The following DGLUCY variants were observed in gnomAD, a reference collection of about 807,000 sequenced individuals.
DGLUCY encodes D-glutamate cyclase, also known as D-glutamate cyclase, mitochondrial.
Under a neutral mutation model 58.5 loss-of-function variants are expected in DGLUCY, and 58 were observed. That is an observed-to-expected ratio of 0.99 (90% confidence interval 0.80 to 1.23). The LOEUF (loss-of-function observed/expected upper bound fraction) is 1.23. DGLUCY is among the 50% of genes most tolerant of loss of function. The pLI is 0.00. For missense variants in DGLUCY, 779 were observed against 784.7 expected (o/e 0.99, Z 0.09); for synonymous variants, 325 against 314.1 (o/e 1.03, Z -0.37).
chr14:91,204,627 A>AC, intron 11 of DGLUCY, 79 bp from the exon 12 acceptor site: 1 of 1,559,174 alleles, frequency 6.4e-7, no homozygotes, highest in Non-Finnish European at 8.7e-7. Context: ...GGCAACAAGC[A>AC]CATGTAGGGC....
At chr14:91,215,997 C>T (rs1886464853) in intron 13 of DGLUCY, 1 of 328,134 alleles carries the variant, frequency 3.0e-6, no homozygotes, top group African/African-American at 2.2e-5. Context: ...ATCAGCCATA[C>T]TAAGGAAAGT....
At chr14:91,212,860 G>A (rs1410402157) in intron 12 of DGLUCY, among the ~76,000 whole-genome samples, 1 of 152,126 alleles carries the variant, frequency 6.6e-6, no homozygotes, top group Non-Finnish European at 1.5e-5. Flanking sequence ...AATTAGCTCG[G>A]CATGGTGGCA....
intron 1 of DGLUCY, among the ~76,000 whole-genome samples, chr14:91,153,054 C>T (rs533042787): frequency 1.6e-4 from 24 of 152,256 alleles, no homozygotes; most frequent in African/African-American, 4.3e-4. Flanking sequence ...CTCCCCGGAC[C>T]GTAAATTCCT....
chr14:91,104,352 G>T (rs1251982289), upstream of DGLUCY, among the ~76,000 whole-genome samples: 1 of 151,890 alleles, frequency 6.6e-6, no homozygotes, highest in Non-Finnish European at 1.5e-5. Flanking sequence ...GTGAGCCACC[G>T]CGCCCGGCCG....
At chr14:91,098,386 G>A (rs141752214) in intron 1 of DGLUCY, among the ~76,000 whole-genome samples, 1 of 152,288 alleles carries the variant, frequency 6.6e-6, no homozygotes, top group East Asian at 1.9e-4. Context: ...TGAGCTTGAG[G>A]TCAAGGCTGT....
chr14:91,094,222 G>A (rs192320192), intron 1 of DGLUCY, among the ~76,000 whole-genome samples: 1 of 151,644 alleles, frequency 6.6e-6, no homozygotes, highest in Non-Finnish European at 1.5e-5. Context: ...GAATCATGAG[G>A]TCAGGAGTTC....
At position 91,224,967 on chromosome 14, in the gene DGLUCY, G is replaced by A. The variant is rs1782561594; in HGVS notation, c.*134G>A. 2 of 1,057,796 alleles carry A rather than the reference G, an allele frequency of 1.9e-6. No homozygotes were observed. Among genetic ancestry groups the A allele is most frequent in the Non-Finnish European group, 2.6e-6 (2 of 774,554 alleles). 65.5% of individuals were successfully genotyped at this position (1,057,796 alleles called of 1,614,324 possible). On this transcript the variant is annotated 3_prime_UTR_variant, in exon 14 of 14. Coordinates refer to ENST00000256324, the MANE Select transcript of DGLUCY (RefSeq NM_001102368.3). ...GAGCAACGAACACTCGCCTGGCCTG[G>A]GAAACTGCATGCCCACTTTCTGGGA...
chr14:91,146,178 C>T (rs548752239), intron 1 of DGLUCY, among the ~76,000 whole-genome samples: 16 of 152,272 alleles, frequency 1.1e-4, no homozygotes, highest in African/African-American at 3.6e-4. Context: ...GGCCCATGCC[C>T]CATTTTAAAA....
At chr14:91,089,423 A>G (rs1281864812) in intron 1 of DGLUCY, among the ~76,000 whole-genome samples, 1 of 152,228 alleles carries the variant, frequency 6.6e-6, no homozygotes, top group Non-Finnish European at 1.5e-5. Context: ...TTCTGGCAAT[A>G]AAACCCTCTC....
At position 91,064,614 on chromosome 14, in the gene DGLUCY, C is replaced by T. The variant is rs189021490; in HGVS notation, c.-82+3910C>T. On this transcript the variant is annotated intron_variant, in intron 1 of 4. Transcript: ENST00000521334. The stretch of plus-strand genomic sequence containing the variant: ...CTCCAGCCTGGGTGACACAGTCAGA[C>T]TCTGTCTCAAAAAAAAAAAAAAAAA... 6.5e-4 allele frequency among the ~76,000 whole-genome samples: 86 copies of T among 132,826 alleles called. No homozygotes were observed. In the East Asian group the frequency reaches 0.016, roughly 24 times the overall value. The allele number at this position is 132,826 out of a possible 152,430, so 87.1% of individuals were successfully genotyped here.
intron 1 of DGLUCY, among the ~76,000 whole-genome samples, chr14:91,146,504 G>A (rs566388484): frequency 2.4e-4 from 37 of 152,182 alleles, no homozygotes; most frequent in Middle Eastern, 3.4e-3. Context: ...CCCCTTTCCC[G>A]AAAACATCTC....
chr14:91,077,415 A>G (rs1459429556), intron 1 of DGLUCY, among the ~76,000 whole-genome samples: 9 of 135,916 alleles, frequency 6.6e-5, no homozygotes, highest in South Asian at 2.4e-4. Context: ...AAAGAAAGAA[A>G]GAAGGAGGGA....
intron 12 of DGLUCY, 144 bp downstream of exon 12, chr14:91,204,969 T>G (rs1262335623): frequency 3.7e-6 from 4 of 1,078,014 alleles, no homozygotes; most frequent in African/African-American, 1.6e-5. Flanking sequence ...GCTCAGCCTA[T>G]GACCTTTCAT....
At chr14:91,222,670 ATTAC>A (rs1052730332) in intron 13 of DGLUCY, among the ~76,000 whole-genome samples, 1 of 152,314 alleles carries the variant, frequency 6.6e-6, no homozygotes, top group African/African-American at 2.4e-5. Context: ...TGCTTTCTCT[ATTAC>A]TTAGAAAAAG....
intron 12 of DGLUCY, among the ~76,000 whole-genome samples, chr14:91,210,373 C>T (rs1885480856): frequency 6.6e-6 from 1 of 151,804 alleles, no homozygotes; most frequent in African/African-American, 2.4e-5. Context: ...TCTACAAAAA[C>T]AGCAAAAAAT....
At chr14:91,091,999 C>T (rs1044606571) in intron 1 of DGLUCY, among the ~76,000 whole-genome samples, 2 of 152,168 alleles carry the variant, frequency 1.3e-5, no homozygotes, top group African/African-American at 4.8e-5. Context: ...AAATCAAACC[C>T]TTGACTCCAG....
At chr14:91,207,142 G>A (rs564381232) in intron 12 of DGLUCY, among the ~76,000 whole-genome samples, 1 of 110,472 alleles carries the variant, frequency 9.1e-6, no homozygotes. Context: ...CTGGATGACA[G>A]AGCAAGACAC....
upstream of DGLUCY, among the ~76,000 whole-genome samples, chr14:91,111,862 CTGTG>C (rs1226238776): frequency 6.6e-6 from 1 of 152,176 alleles, no homozygotes; most frequent in African/African-American, 2.4e-5. Context: ...TTGTATTCTA[CTGTG>C]TGTATGTATC....
intron 7 of DGLUCY, among the ~76,000 whole-genome samples, chr14:91,179,489 C>A (rs186482379): frequency 0.011 from 1,605 of 151,786 alleles, 16 homozygotes; most frequent in Non-Finnish European, 0.017. Context: ...CGGTGGCTCA[C>A]GCCTGTAATC....
Sources: allele counts gnomAD v4.1 joint callset (sites outside exome capture counted in the v4.1 genomes callset), GRCh38; gene constraint gnomAD v4.1.1; transcripts MANE v1.5; gene names NCBI Gene and HGNC (gene_info 2026-07-23, HGNC 2026-07-21).